KRTAP9-8: variants seen among roughly 807,000 people sequenced by gnomAD.
KRTAP9-8 encodes keratin-associated protein 9-8.
Under a neutral mutation model 12.8 loss-of-function variants are expected in KRTAP9-8, and 10 were observed. The ratio of observed to expected loss-of-function variants is 0.78; its 90% CI spans 0.48 to 1.33. KRTAP9-8 has a LOEUF of 1.33. Among genes scored for constraint, KRTAP9-8 ranks in the 40% most tolerant of loss-of-function variants. KRTAP9-8 has a pLI of 0.00. For missense variants in KRTAP9-8, 197 were observed against 197.0 expected (o/e 1.00, Z 0.00); for synonymous variants, 94 against 70.8 (o/e 1.33, Z -1.64).
At position 41,238,303 on chromosome 17, in the gene KRTAP9-8, C is replaced by T; in HGVS notation, c.252C>T (p.Thr84=). 2 of 1,608,026 alleles carry T rather than the reference C, an allele frequency of 1.2e-6. No individual in the cohort carries two copies. The highest frequency in any genetic ancestry group is 1.7e-6 in the Non-Finnish European group (2 of 1,179,944). The change falls in exon 1 of 1, where the codon ACC becomes ACT. Residue 84 remains threonine (T), a synonymous_variant. Transcript: ENST00000254072. ...PCCQPTCCGQ[T]SCGSSCGQSS... ...GTCAGCCCACCTGCTGTGGCCAAAC[C>T]AGCTGTGGGTCCAGCTGTGGTCAGA...
chr17:41,238,440 G>GCCAGCCCTGCTT lies in KRTAP9-8; in HGVS notation c.391_392insAGCCCTGCTTCC (p.Cys130_Arg131insGlnProCysPhe). 2 of 1,601,210 alleles carry GCCAGCCCTGCTT rather than the reference G, an allele frequency of 1.2e-6. No homozygotes were observed. The highest frequency in any genetic ancestry group is 1.7e-6 in the Non-Finnish European group (2 of 1,179,022). ...GGCTCCAACTGCTGCCAGCCCTGCT[G>GCCAGCCCTGCTT]CCGCCCAGCCTGCTGTGAGACCACC... On this transcript the variant is annotated inframe_insertion, in exon 1 of 1. Transcript: ENST00000254072.
In KRTAP9-8 at chr17:41,238,063, T is replaced by C. The variant is rs2015983328; in HGVS notation, c.12T>C (p.Cys4=). The C allele has an allele frequency of 6.2e-7, 1 of 1,606,444 alleles. No individual in the cohort carries two copies. The highest frequency in any genetic ancestry group is 8.5e-7 in the Non-Finnish European group (1 of 1,179,782). The change falls in exon 1 of 1, where the codon TGT becomes TGC. Residue 4 remains cysteine, a synonymous_variant. Transcript: ENST00000254072. ...CTACCCCTGACACCATGACCCACTG[T>C]TGTTCCCCTTGCTGTCAGCCTACGT... MTH[C]CSPCCQPTCC...
chr17:41,238,113 C>A lies in KRTAP9-8; in HGVS notation c.62C>A (p.Pro21His). Residue 21 changes from proline (P) to histidine (H), a missense_variant, in exon 1 of 1, where the codon CCC (proline) becomes CAC (histidine). Pro to His is a moderately conservative substitution (Grantham distance 77, BLOSUM62 -2). Coordinates refer to ENST00000254072, the MANE Select transcript of KRTAP9-8 (RefSeq NM_031963.3). ...TGCTGCAGGACCACCTGCTGGAAGC[C>A]CACCACTGTGACCACCTGCAGCAGC... ...PTCCRTTCWK[P>H]TTVTTCSSTP... The A allele has an allele frequency of 6.2e-7, 1 of 1,607,438 alleles. No homozygotes were observed. Among genetic ancestry groups the A allele is most frequent in the South Asian group, 1.1e-5 (1 of 91,000 alleles).
chr17:41,238,008 G>A lies in KRTAP9-8; in HGVS notation c.-44G>A, dbSNP rs998780350. ...AATGCAAGGGGTCATCAGATTCTGG[G>A]AAACTCACCTCTGAACAGAACTCCA... On this transcript the variant is annotated 5_prime_UTR_variant, in exon 1 of 1. Transcript: ENST00000254072. 6 of 1,593,806 alleles carry A rather than the reference G, an allele frequency of 3.8e-6. 1 individual carries two copies. The African/African-American group carries it at 8.7e-5, about 23-fold the overall frequency.
In KRTAP9-8 at chr17:41,238,663, G is replaced by T. The variant is rs2016008169; in HGVS notation, c.*132G>T. On this transcript the variant is annotated 3_prime_UTR_variant, in exon 1 of 1. Coordinates refer to ENST00000254072, the MANE Select transcript of KRTAP9-8 (RefSeq NM_031963.3). ...CCAAATTTTTATGAATTCTCTACAT[G>T]TTTAAAATCTTGGAAATCTGCTTGA... 5.0e-6 allele frequency: 3 copies of T among 597,542 alleles called. No homozygotes were observed. The highest frequency in any genetic ancestry group is 4.0e-5 in the South Asian group (2 of 49,602). 37.0% of individuals were successfully genotyped at this position (597,542 alleles called of 1,614,324 possible). A position where few individuals can be genotyped will look rare whatever the true frequency, so the allele number is the denominator to read the frequency against.
chr17:41,238,129 C>A lies in KRTAP9-8; in HGVS notation c.78C>A (p.Thr26=). The A allele has an allele frequency of 6.2e-7, 1 of 1,607,880 alleles. No individual in the cohort carries two copies. The highest frequency in any genetic ancestry group is 8.5e-7 in the Non-Finnish European group (1 of 1,179,998). ...TTCWKPTTVT[T]CSSTPCCQPS... ...GCTGGAAGCCCACCACTGTGACCAC[C>A]TGCAGCAGCACACCCTGCTGCCAGC... Residue 26 remains threonine (T), a synonymous_variant, in exon 1 of 1, where the codon ACC becomes ACA. Coordinates refer to ENST00000254072, the MANE Select transcript of KRTAP9-8 (RefSeq NM_031963.3).
Position 41,238,033 on chromosome 17 carries a change from A to C in KRTAP9-8, c.-19A>C, listed in dbSNP as rs1419764677. On this transcript the variant is annotated 5_prime_UTR_variant, in exon 1 of 1. Coordinates refer to ENST00000254072, the MANE Select transcript of KRTAP9-8 (RefSeq NM_031963.3). ...GAAACTCACCTCTGAACAGAACTCC[A>C]CCCTCTACCCCTGACACCATGACCC... 3.1e-6 allele frequency: 5 copies of C among 1,605,090 alleles called. No individual in the cohort carries two copies. The highest frequency in any genetic ancestry group is 4.2e-6 in the Non-Finnish European group (5 of 1,179,170).
rs1458968191 is a variant in KRTAP9-8, at chr17:41,238,228, C to T, written c.177C>T (p.Pro59=). 3 of 1,607,720 alleles carry T rather than the reference C, an allele frequency of 1.9e-6. No individual in the cohort carries two copies. The highest frequency in any genetic ancestry group is 2.5e-6 in the Non-Finnish European group (3 of 1,179,876). ...GCTGTCAAAACACCTGCTGCCAGCC[C>T]ATCTGTGTGACCAGCTGCTGCCAGC... ...PTCCQNTCCQ[P]ICVTSCCQPS... Residue 59 remains proline (P), a synonymous_variant, in exon 1 of 1, where the codon CCC becomes CCT. Coordinates refer to ENST00000254072, the MANE Select transcript of KRTAP9-8 (RefSeq NM_031963.3).
In KRTAP9-8 at chr17:41,238,584, C is replaced by A; in HGVS notation, c.*53C>A. ...ACACAACAAATTTCTGCTCAACTGA[C>A]TCATCTTTTGGGGGACTAATTTAAT... On this transcript the variant is annotated 3_prime_UTR_variant, in exon 1 of 1. Transcript: ENST00000254072. 2.1e-6 allele frequency: 3 copies of A among 1,425,652 alleles called. No homozygotes were observed. Among genetic ancestry groups the A allele is most frequent in the Non-Finnish European group, 2.8e-6 (3 of 1,054,980 alleles). The allele number at this position is 1,425,652 out of a possible 1,614,324, so 88.3% of individuals were successfully genotyped here. A position where few individuals can be genotyped will look rare whatever the true frequency, so the allele number is the denominator to read the frequency against.
At position 41,238,327 on chromosome 17, in the gene KRTAP9-8, G is replaced by C. The variant is rs910550405; in HGVS notation, c.276G>C (p.Gln92His). 1.9e-6 allele frequency: 3 copies of C among 1,607,796 alleles called. No individual in the cohort carries two copies. The highest frequency in any genetic ancestry group is 2.5e-6 in the Non-Finnish European group (3 of 1,179,950). Residue 92 changes from glutamine to histidine, a missense_variant, in exon 1 of 1, where the codon CAG becomes CAC. By Grantham distance (24) the Gln-to-His change is conservative. Coordinates refer to ENST00000254072, the MANE Select transcript of KRTAP9-8 (RefSeq NM_031963.3). ...GQTSCGSSCG[Q>H]SSSCAPVYCR... ...CCAGCTGTGGGTCCAGCTGTGGTCA[G>C]AGCAGCTCCTGTGCACCTGTGTACT...
In KRTAP9-8 at chr17:41,238,783, C is replaced by G. The variant is rs2144100484; in HGVS notation, c.*252C>G. On this transcript the variant is annotated 3_prime_UTR_variant, in exon 1 of 1. Coordinates refer to ENST00000254072, the MANE Select transcript of KRTAP9-8 (RefSeq NM_031963.3). ...TGTTCTCAAGTTTGAGTCATGGTCT[C>G]AGCTTTGACTCTAAAGTCAAGAGCT... 1 of 292,064 alleles carries G rather than the reference C, an allele frequency of 3.4e-6. No homozygotes were observed. 18.1% of individuals were successfully genotyped at this position (292,064 alleles called of 1,614,324 possible).
In KRTAP9-8 at chr17:41,238,525, C is replaced by T. The variant is rs377343874; in HGVS notation, c.474C>T (p.Cys158=). The T allele has an allele frequency of 3.1e-4, 492 of 1,577,730 alleles. 60 individuals carry two copies. The African/African-American group carries it at 7.9e-3, about 25-fold the overall frequency. ...TCVSSCCQPS[C]C is the part of the protein sequence containing the mutation. ...TGTCCAGCTGCTGCCAGCCTTCTTG[C>T]TGCTGATCACGTTCCAAGAGAACCA... The change falls in exon 1 of 1, where the codon TGC becomes TGT. Residue 158 remains cysteine (C), a synonymous_variant. Coordinates refer to ENST00000254072, the MANE Select transcript of KRTAP9-8 (RefSeq NM_031963.3).
rs751897107 is a variant in KRTAP9-8 at position 41,238,253 on chromosome 17, C to G, written c.202C>G (p.Pro68Ala). The change falls in exon 1 of 1, where the codon CCT (proline) becomes GCT (alanine). Residue 68 changes from proline (P) to alanine (A), a missense_variant. Coordinates refer to ENST00000254072, the MANE Select transcript of KRTAP9-8 (RefSeq NM_031963.3). Reference sequence around the variant, plus strand: ...CATCTGTGTGACCAGCTGCTGCCAGCCTTCCTGCTGCAGCACACCCTGCTG... The same window carrying G: ...CATCTGTGTGACCAGCTGCTGCCAGGCTTCCTGCTGCAGCACACCCTGCTG... ...QPICVTSCCQ[P>A]SCCSTPCCQP... The G allele has an allele frequency of 1.9e-6, 3 of 1,608,084 alleles. No individual in the cohort carries two copies. The highest frequency in any genetic ancestry group is 1.7e-6 in the Non-Finnish European group (2 of 1,179,962).
In KRTAP9-8 at chr17:41,238,128, C is replaced by T; in HGVS notation, c.77C>T (p.Thr26Ile). 1.9e-6 allele frequency: 3 copies of T among 1,607,784 alleles called. No homozygotes were observed. The highest frequency in any genetic ancestry group is 2.5e-6 in the Non-Finnish European group (3 of 1,179,984). The change falls in exon 1 of 1, where the codon ACC becomes ATC. Residue 26 changes from threonine (T) to isoleucine (I), a missense_variant. Thr to Ile is a moderately conservative substitution (Grantham distance 89, BLOSUM62 -1). Transcript: ENST00000254072. ...TGCTGGAAGCCCACCACTGTGACCACCTGCAGCAGCACACCCTGCTGCCAG... is the reference window on the plus strand; with the variant it reads ...TGCTGGAAGCCCACCACTGTGACCATCTGCAGCAGCACACCCTGCTGCCAG... ...TTCWKPTTVT[T>I]CSSTPCCQPS...
rs2015983104 is a variant in KRTAP9-8, at chr17:41,238,059, A to G, written c.8A>G (p.His3Arg). The change falls in exon 1 of 1, where the codon CAC becomes CGC. Residue 3 changes from histidine (H) to arginine (R), a missense_variant. His to Arg is a conservative substitution (Grantham distance 29). Transcript: ENST00000254072. Reference protein sequence around the residue: MTHCCSPCCQPTC... With the variant: MTRCCSPCCQPTC... ...CCCTCTACCCCTGACACCATGACCC[A>G]CTGTTGTTCCCCTTGCTGTCAGCCT... 1 of 1,606,218 alleles carries G rather than the reference A, an allele frequency of 6.2e-7. No homozygotes were observed. Among genetic ancestry groups the G allele is most frequent in the African/African-American group, 1.4e-5 (1 of 69,396 alleles).
At position 41,238,092 on chromosome 17, in the gene KRTAP9-8, G is replaced by C; in HGVS notation, c.41G>C (p.Cys14Ser). ...TCCCCTTGCTGTCAGCCTACGTGCT[G>C]CAGGACCACCTGCTGGAAGCCCACC... ...CCSPCCQPTCCRTTCWKPTTV... is the reference protein window; with the variant it reads ...CCSPCCQPTCSRTTCWKPTTV... The change falls in exon 1 of 1, where the codon TGC becomes TCC. Residue 14 changes from cysteine to serine, a missense_variant. Transcript: ENST00000254072. The C allele has an allele frequency of 1.2e-6, 2 of 1,606,942 alleles. No individual in the cohort carries two copies. Among genetic ancestry groups the C allele is most frequent in the Non-Finnish European group, 1.7e-6 (2 of 1,179,870 alleles).
At position 41,238,108 on chromosome 17, in the gene KRTAP9-8, G is replaced by T. The variant is rs1164691642; in HGVS notation, c.57G>T (p.Trp19Cys). 3 of 1,606,942 alleles carry T rather than the reference G, an allele frequency of 1.9e-6. No individual in the cohort carries two copies. Residue 19 changes from tryptophan (W) to cysteine (C), a missense_variant, in exon 1 of 1, where the codon TGG (tryptophan) becomes TGT (cysteine). Coordinates refer to ENST00000254072, the MANE Select transcript of KRTAP9-8 (RefSeq NM_031963.3). ...CQPTCCRTTC[W>C]KPTTVTTCSS... ...CTACGTGCTGCAGGACCACCTGCTGGAAGCCCACCACTGTGACCACCTGCA... is the reference window on the plus strand; with the variant it reads ...CTACGTGCTGCAGGACCACCTGCTGTAAGCCCACCACTGTGACCACCTGCA...
In KRTAP9-8 at chr17:41,238,316, A is replaced by G. The variant is rs2015993990; in HGVS notation, c.265A>G (p.Ser89Gly). 3.7e-6 allele frequency: 6 copies of G among 1,607,652 alleles called. No homozygotes were observed. Among genetic ancestry groups the G allele is most frequent in the Non-Finnish European group, 5.1e-6 (6 of 1,179,924 alleles). ...CTGTGGCCAAACCAGCTGTGGGTCCAGCTGTGGTCAGAGCAGCTCCTGTGC... is the reference window on the plus strand; with the variant it reads ...CTGTGGCCAAACCAGCTGTGGGTCCGGCTGTGGTCAGAGCAGCTCCTGTGC... The part of the protein sequence containing the change: ...TCCGQTSCGS[S>G]CGQSSSCAPV... Residue 89 changes from serine (S) to glycine (G), a missense_variant, in exon 1 of 1, where the codon AGC becomes GGC. By Grantham distance (56) the Ser-to-Gly change is moderately conservative. Coordinates refer to ENST00000254072, the MANE Select transcript of KRTAP9-8 (RefSeq NM_031963.3).
chr17:41,238,509 G>T lies in KRTAP9-8; in HGVS notation c.458G>T (p.Cys153Phe), dbSNP rs762456417. The T allele has an allele frequency of 1.3e-6, 2 of 1,584,248 alleles. No homozygotes were observed. The highest frequency in any genetic ancestry group is 1.7e-6 in the Non-Finnish European group (2 of 1,173,272). ...TCFQPTCVSS[C>F]CQPSCC ...TTCCAGCCCACCTGTGTGTCCAGCTGCTGCCAGCCTTCTTGCTGCTGATCA... is the reference window on the plus strand; with the variant it reads ...TTCCAGCCCACCTGTGTGTCCAGCTTCTGCCAGCCTTCTTGCTGCTGATCA... Residue 153 changes from cysteine to phenylalanine, a missense_variant, in exon 1 of 1, where the codon TGC becomes TTC. Cys to Phe is a radical substitution (Grantham distance 205, BLOSUM62 -2). Coordinates refer to ENST00000254072, the MANE Select transcript of KRTAP9-8 (RefSeq NM_031963.3).
Sources: allele counts gnomAD v4.1 joint callset, GRCh38; gene constraint gnomAD v4.1.1; transcripts MANE v1.5; gene names NCBI Gene and HGNC (gene_info 2026-07-23, HGNC 2026-07-21).